The following TRPV5 variants were observed in gnomAD, a reference collection of about 807,000 sequenced individuals.
TRPV5 encodes the protein calcium transport protein 2.
In TRPV5, 66 loss-of-function variants were observed where a neutral mutation model predicts 74.1. That is an observed-to-expected ratio of 0.89 (90% CI 0.73 to 1.09). The LOEUF (loss-of-function observed/expected upper bound fraction) is 1.09. Among genes scored for constraint, TRPV5 ranks in the 50% least tolerant of loss-of-function variants. The pLI is 0.00. For missense variants in TRPV5, 936 were observed against 930.4 expected (o/e 1.01, Z -0.08); for synonymous variants, 399 against 360.7 (o/e 1.11, Z -1.20).
intron 13 of TRPV5, among the ~76,000 whole-genome samples, chr7:142,912,275 A>G (rs2116575207): frequency 6.6e-6 from 1 of 152,028 alleles, no homozygotes; most frequent in South Asian, 2.1e-4. Flanking sequence ...CAACAACCCC[A>G]CCTCTTGCCA....
At chr7:142,909,419 G>A (rs1358986651) in intron 14 of TRPV5, 71 bp downstream of exon 14, 11 of 1,526,520 alleles carry the variant, frequency 7.2e-6, no homozygotes, top group African/African-American at 2.7e-5. Flanking sequence ...GCTCCAGGAC[G>A]CCTGTCGGTC....
At chr7:142,911,851 ACTGG>A (rs1488172293) in intron 13 of TRPV5, among the ~76,000 whole-genome samples, 1 of 152,236 alleles carries the variant, frequency 6.6e-6, no homozygotes, top group Non-Finnish European at 1.5e-5. Context: ...AGAGGGAAAG[ACTGG>A]CGCCAAAGAA....
chr7:142,924,768 A>G (rs1795955658), intron 8 of TRPV5: 1 of 152,194 alleles, frequency 6.6e-6, no homozygotes, highest in African/African-American at 2.4e-5. Context: ...TTAGTAATCC[A>G]CAAAGAGTCA....
chr7:142,929,930 A>C (rs1796055787), intron 3 of TRPV5, 128 bp downstream of exon 3: 2 of 1,438,144 alleles, frequency 1.4e-6, no homozygotes, highest in Admixed American at 2.1e-5. Flanking sequence ...CTCCCAACTC[A>C]ACGGAGCCCA....
rs141359674 is a variant in TRPV5, at chr7:142,912,743, A to G, written c.1527T>C (p.Tyr509=). The G allele has an allele frequency of 5.0e-6, 8 of 1,613,462 alleles. No individual in the cohort carries two copies. The African/African-American group carries it at 8.0e-5, about 16-fold the overall frequency. The change falls in exon 13 of 15, where the codon TAT becomes TAC. Residue 509 remains tyrosine, a synonymous_variant. Transcript: ENST00000265310. ...VVILGFASAF[Y]IIFQTEDPTS... ...TTGGGTCCTCTGTCTGGAAAATGATATAGAACGCTGCTCCGCCCAGGAAGA... is the reference window on the plus strand; with the variant it reads ...TTGGGTCCTCTGTCTGGAAAATGATGTAGAACGCTGCTCCGCCCAGGAAGA...
At chr7:142,910,285 C>T (rs745381255) in intron 13 of TRPV5, among the ~76,000 whole-genome samples, 2 of 152,090 alleles carry the variant, frequency 1.3e-5, no homozygotes, top group Non-Finnish European at 2.9e-5. Context: ...ATCTAAGGTC[C>T]TATATTTACA....
At position 142,929,058 on chromosome 7, in the gene TRPV5, C is replaced by T. The variant is rs765901278; in HGVS notation, c.550G>A (p.Glu184Lys). Residue 184 changes from glutamate to lysine, a missense_variant, in exon 5 of 15, where the codon GAG (glutamate) becomes AAG (lysine). By Grantham distance (56) the Glu-to-Lys change is moderately conservative. Coordinates refer to ENST00000265310, the MANE Select transcript of TRPV5 (RefSeq NM_019841.7). ...TGGGCCCTGATGTCAGCTCCATGCTCAATGAGCAGCCGCACGATCTCCTCG... is the reference window on the plus strand; with the variant it reads ...TGGGCCCTGATGTCAGCTCCATGCTTAATGAGCAGCCGCACGATCTCCTCG... ...NSEEIVRLLIEHGADIRAQDS... is the reference protein window; with the variant it reads ...NSEEIVRLLIKHGADIRAQDS... 1.9e-6 allele frequency: 3 copies of T among 1,613,954 alleles called. No homozygotes were observed. In the African/African-American group the frequency reaches 4.0e-5, roughly 22 times the overall value.
chr7:142,928,707 A>G lies in TRPV5; in HGVS notation c.746T>C (p.Val249Ala), dbSNP rs1796030113. The G allele has an allele frequency of 6.2e-7, 1 of 1,613,748 alleles. No individual in the cohort carries two copies. The highest frequency in any genetic ancestry group is 2.2e-5 in the East Asian group (1 of 44,856). Residue 249 changes from valine (V) to alanine (A), a missense_variant, in exon 6 of 15, where the codon GTG becomes GCG. By Grantham distance (64) the Val-to-Ala change is moderately conservative. Transcript: ENST00000265310. ...QGLTPFKLAG[V>A]EGNTVMFQHL... ...GTCTCTTACCACAGTGTTACCCTCC[A>G]CTCCAGCCAGCTTGAAGGGGGTGAG...
intron 7 of TRPV5, among the ~76,000 whole-genome samples, chr7:142,926,528 A>G (rs926380028): frequency 6.6e-6 from 1 of 152,182 alleles, no homozygotes; most frequent in Non-Finnish European, 1.5e-5. Flanking sequence ...GTTTCCAGAC[A>G]TGCTCGGCAG....
At chr7:142,915,618 C>T (rs1316884972) in intron 8 of TRPV5, 50 bp from the exon 9 acceptor site, 5 of 1,586,802 alleles carry the variant, frequency 3.2e-6, no homozygotes, top group South Asian at 2.2e-5. Flanking sequence ...AGAGTCAAAT[C>T]CTTTTGTGCA....
chr7:142,914,764 A>C (rs1795763548), intron 11 of TRPV5, 58 bp from the exon 12 acceptor site: 1 of 1,608,948 alleles, frequency 6.2e-7, no homozygotes. Flanking sequence ...GCTTTTGAGC[A>C]GCTAACGCTA....
intron 12 of TRPV5, among the ~76,000 whole-genome samples, chr7:142,913,898 C>T (rs1158449263): frequency 6.6e-6 from 1 of 152,154 alleles, no homozygotes; most frequent in East Asian, 1.9e-4. Context: ...CCTGGGCCTT[C>T]CTCTTTCTGC....
At chr7:142,912,458 C>G (rs377250412) in intron 13 of TRPV5, 24 bp downstream of exon 13, 2 of 1,596,352 alleles carry the variant, frequency 1.3e-6, no homozygotes, top group Non-Finnish European at 1.7e-6. Context: ...TGCTTCTTAG[C>G]AAGACTAACA....
At chr7:142,931,062 G>A (rs1261491835) in intron 1 of TRPV5, among the ~76,000 whole-genome samples, 1 of 109,782 alleles carries the variant, frequency 9.1e-6, no homozygotes, top group African/African-American at 3.5e-5. Flanking sequence ...TTGCTCTGTT[G>A]CCTAGGCTGG....
intron 10 of TRPV5, 99 bp from the exon 11 acceptor site, chr7:142,915,145 A>T: frequency 6.5e-7 from 1 of 1,536,906 alleles, no homozygotes; most frequent in Non-Finnish European, 8.9e-7. Flanking sequence ...ACTCAGGCTT[A>T]GTCTTTACAC....
intron 8 of TRPV5, among the ~76,000 whole-genome samples, chr7:142,923,507 T>G (rs954172753): frequency 7.2e-5 from 11 of 152,114 alleles, no homozygotes; most frequent in African/African-American, 2.7e-4. Flanking sequence ...TTCTTTGTTA[T>G]CTAACCCCTT....
intron 8 of TRPV5, among the ~76,000 whole-genome samples, chr7:142,923,836 TG>T (rs1795923322): frequency 6.6e-6 from 1 of 152,186 alleles, no homozygotes; most frequent in Non-Finnish European, 1.5e-5. Context: ...AGGAGAGTTT[TG>T]GTTATCAGTG....
At chr7:142,924,440 G>C (rs543942449) in intron 8 of TRPV5, among the ~76,000 whole-genome samples, 1 of 148,802 alleles carries the variant, frequency 6.7e-6, no homozygotes, top group South Asian at 2.1e-4. Context: ...AGGAGAGATG[G>C]AGTGTCTCTA....
chr7:142,924,263 TAC>T (rs1354553018), intron 8 of TRPV5, among the ~76,000 whole-genome samples: 1 of 121,520 alleles, frequency 8.2e-6, no homozygotes, highest in African/African-American at 3.8e-5. Context: ...TGTATATATA[TAC>T]ATATATATAT....
Sources: allele counts gnomAD v4.1 joint callset (sites outside exome capture counted in the v4.1 genomes callset), GRCh38; gene constraint gnomAD v4.1.1; transcripts MANE v1.5; gene names NCBI Gene and HGNC (gene_info 2026-07-23, HGNC 2026-07-21).